The following ZBTB49 variants were observed in gnomAD, a reference collection of about 807,000 sequenced individuals.
The protein encoded by ZBTB49 is zinc finger and BTB domain containing 49.
ZBTB49 carries 43 observed loss-of-function variants against 57.5 expected under a neutral mutation model. The ratio of observed to expected loss-of-function variants is 0.75; its 90% CI spans 0.59 to 0.97. The LOEUF is 0.97. Ranked by LOEUF, ZBTB49 falls within the 50% of genes least tolerant of loss-of-function variation. The pLI is 0.00. For missense variants in ZBTB49, 938 were observed against 947.7 expected (o/e 0.99, Z 0.13); for synonymous variants, 369 against 362.1 (o/e 1.02, Z -0.22).
At chr4:4,303,758 C>CTGTGTG (rs1281680339) in intron 3 of ZBTB49, among the ~76,000 whole-genome samples, 13 of 93,644 alleles carry the variant, frequency 1.4e-4, no homozygotes, top group South Asian at 6.4e-4. Flanking sequence ...CTCTCTCTCT[C>CTGTGTG]TCTGTGTGTG....
chr4:4,302,743 C>G lies in ZBTB49; in HGVS notation c.907C>G (p.Leu303Val). The G allele has an allele frequency of 1.9e-6, 3 of 1,613,986 alleles. No homozygotes were observed. The highest frequency in any genetic ancestry group is 2.5e-6 in the Non-Finnish European group (3 of 1,179,994). Residue 303 changes from leucine to valine, a missense_variant, in exon 3 of 8, where the codon CTC becomes GTC. By Grantham distance (32) the Leu-to-Val change is conservative. Coordinates refer to ENST00000337872, the MANE Select transcript of ZBTB49 (RefSeq NM_145291.4). ...CCAACAACCTGTCAAGCAGATGAGGCTCAAAAAGGCCATTCATCTGAAGAA... is the reference window on the plus strand; with the variant it reads ...CCAACAACCTGTCAAGCAGATGAGGGTCAAAAAGGCCATTCATCTGAAGAA... ...TCQQPVKQMR[L>V]KKAIHLKKLN... is the part of the protein sequence containing the mutation.
At chr4:4,306,786 T>C (rs894486) in intron 4 of ZBTB49, among the ~76,000 whole-genome samples, 87,154 of 152,088 alleles carry the variant, frequency 0.57, 25,047 homozygotes, top group African/African-American at 0.64. Flanking sequence ...AACCTATTCT[T>C]TCTGAAACAG....
intron 1 of ZBTB49, among the ~76,000 whole-genome samples, chr4:4,294,744 T>G (rs1720108964): frequency 6.6e-6 from 1 of 152,194 alleles, no homozygotes; most frequent in Non-Finnish European, 1.5e-5. Flanking sequence ...ACTTTTTCCT[T>G]TATCACTTCT....
chr4:4,319,199 A>G (rs1721310526), intron 7 of ZBTB49, among the ~76,000 whole-genome samples: 1 of 151,944 alleles, frequency 6.6e-6, no homozygotes, highest in African/African-American at 2.4e-5. Flanking sequence ...GGCCTACAGT[A>G]TTTTTTATGT....
In ZBTB49 at chr4:4,313,226, A is replaced by C. The variant is rs4974729; in HGVS notation, c.1376+112A>C. 5.2e-4 allele frequency: 595 copies of C among 1,138,690 alleles called. 7 individuals are homozygous for C. Among genetic ancestry groups the C allele is most frequent in the Admixed American group, 3.2e-4 (13 of 40,440 alleles). The allele number at this position is 1,138,690 out of a possible 1,614,324, so 70.5% of individuals were successfully genotyped here. A position where few individuals can be genotyped will look rare whatever the true frequency, so the allele number is the denominator to read the frequency against. ...TCACAGATGAGCCACAGGTGGGCTC[A>C]CCCTGCCACTGCAGAACACAGGTAA... On this transcript the variant is annotated intron_variant, in intron 5 of 7. Transcript: ENST00000337872.
At chr4:4,304,822 C>G (rs923617741) in intron 3 of ZBTB49, among the ~76,000 whole-genome samples, 1 of 152,174 alleles carries the variant, frequency 6.6e-6, no homozygotes, top group Non-Finnish European at 1.5e-5. Context: ...AGTCCTCACC[C>G]TGGTGGCCTG....
chr4:4,321,232 C>T lies in ZBTB49; in HGVS notation c.2214C>T (p.Asn738=). 6.2e-7 allele frequency: 1 copy of T among 1,614,202 alleles called. No homozygotes were observed. The highest frequency in any genetic ancestry group is 8.5e-7 in the Non-Finnish European group (1 of 1,180,030). The part of the protein sequence containing the change: ...GSRASSTTYR[N]SEGQFFSSMT... ...GAGCATCTTCCACCACTTATAGGAA[C>T]TCAGAGGGTCAGTTTTTCTCCAGCA... The change falls in exon 8 of 8, where the codon AAC becomes AAT. Residue 738 remains asparagine, a synonymous_variant. Transcript: ENST00000337872.
intron 4 of ZBTB49, among the ~76,000 whole-genome samples, chr4:4,310,996 G>A (rs1374276197): frequency 6.6e-6 from 1 of 152,144 alleles, no homozygotes; most frequent in Non-Finnish European, 1.5e-5. Flanking sequence ...TTATCTGAAT[G>A]TACTATTGGA....
intron 7 of ZBTB49, among the ~76,000 whole-genome samples, chr4:4,316,206 G>A (rs1721190440): frequency 4.6e-5 from 7 of 152,182 alleles, no homozygotes; most frequent in Admixed American, 4.6e-4. Context: ...CTAAGACAGA[G>A]TCCCAGGTGC....
At chr4:4,316,224 T>C (rs187457014) in intron 7 of ZBTB49, among the ~76,000 whole-genome samples, 7 of 152,136 alleles carry the variant, frequency 4.6e-5, no homozygotes, top group Non-Finnish European at 1.0e-4. Flanking sequence ...TGCTGAGGGC[T>C]CTTGGTCCAG....
chr4:4,317,509 G>A (rs779722726), intron 7 of ZBTB49, among the ~76,000 whole-genome samples: 3 of 152,040 alleles, frequency 2.0e-5, no homozygotes, highest in Non-Finnish European at 4.4e-5. Flanking sequence ...GCCCCTGGCT[G>A]CCACTCATCT....
At chr4:4,294,107 T>G (rs890226963) in intron 1 of ZBTB49, among the ~76,000 whole-genome samples, 9 of 152,222 alleles carry the variant, frequency 5.9e-5, no homozygotes, top group Admixed American at 4.6e-4. Context: ...GCCTGGCATC[T>G]AGGAAACATA....
intron 1 of ZBTB49, among the ~76,000 whole-genome samples, 167 bp from the exon 2 acceptor site, chr4:4,299,760 A>G (rs1720386945): frequency 6.8e-6 from 1 of 147,792 alleles, no homozygotes; most frequent in African/African-American, 2.5e-5. Flanking sequence ...AGCGGTCTAG[A>G]TGCCTCAGAA....
chr4:4,318,428 C>G (rs1014417051), intron 7 of ZBTB49, among the ~76,000 whole-genome samples: 2 of 152,060 alleles, frequency 1.3e-5, no homozygotes, highest in Non-Finnish European at 2.9e-5. Context: ...CCAGCCTGGC[C>G]GACATGGCGA....
rs1199409539 is a variant in ZBTB49 at position 4,315,708 on chromosome 4, C to T, written c.1449C>T (p.Ile483=). The T allele has an allele frequency of 6.2e-7, 1 of 1,614,124 alleles. No homozygotes were observed. The highest frequency in any genetic ancestry group is 1.1e-5 in the South Asian group (1 of 91,062). ...HSGEKPHLCD[I]CGRGFSNFSN... ...GAGAAAAACCACACTTGTGTGACAT[C>T]TGTGGTCGAGGTACAGCTGAGTGTT... The change falls in exon 6 of 8, where the codon ATC becomes ATT. Residue 483 remains isoleucine, a synonymous_variant. Transcript: ENST00000337872.
intron 7 of ZBTB49, among the ~76,000 whole-genome samples, chr4:4,319,087 C>G (rs1280070901): frequency 6.6e-6 from 1 of 151,816 alleles, no homozygotes; most frequent in African/African-American, 2.4e-5. Flanking sequence ...GAGACAGGGT[C>G]TCACTATGTT....
chr4:4,306,892 C>G (rs917188797), intron 4 of ZBTB49, among the ~76,000 whole-genome samples: 5 of 152,240 alleles, frequency 3.3e-5, no homozygotes, highest in Non-Finnish European at 5.9e-5. Context: ...CTCTTCAGGG[C>G]ACAGTCACTG....
At chr4:4,298,712 G>A (rs897663163) in intron 1 of ZBTB49, among the ~76,000 whole-genome samples, 5 of 152,164 alleles carry the variant, frequency 3.3e-5, no homozygotes, top group Non-Finnish European at 5.9e-5. Flanking sequence ...TTACAGGTGT[G>A]AACCACCACG....
At chr4:4,299,208 G>A (rs1223025095) in intron 1 of ZBTB49, among the ~76,000 whole-genome samples, 1 of 151,524 alleles carries the variant, frequency 6.6e-6, no homozygotes, top group Non-Finnish European at 1.5e-5. Context: ...CAGAGACTTG[G>A]TGCTTGCTGT....
Sources: allele counts gnomAD v4.1 joint callset (sites outside exome capture counted in the v4.1 genomes callset), GRCh38; gene constraint gnomAD v4.1.1; transcripts MANE v1.5; gene names NCBI Gene and HGNC (gene_info 2026-07-23, HGNC 2026-07-21).